PTPRT: variants seen among roughly 807,000 people sequenced by gnomAD.
PTPRT encodes the protein protein tyrosine phosphatase receptor type T, also known as receptor-type tyrosine-protein phosphatase T.
A neutral mutation model predicts 176.8 loss-of-function variants in PTPRT; 56 were observed. The ratio of observed to expected loss-of-function variants is 0.32; its 90% CI spans 0.26 to 0.40. The LOEUF is 0.40. Ranked by LOEUF, PTPRT falls within the 10% of genes least tolerant of loss-of-function variation. The probability of loss-of-function intolerance (pLI) is 1.00; values close to 1 mark genes in which losing one functional copy is unlikely to be tolerated. For missense variants in PTPRT, 1,540 were observed against 1,908.2 expected (o/e 0.81, Z 3.60); for synonymous variants, 783 against 739.0 (o/e 1.06, Z -0.96).
At chr20:42,158,280 A>G (rs1475827403) in intron 17 of PTPRT, among the ~76,000 whole-genome samples, 1 of 152,202 alleles carries the variant, frequency 6.6e-6, no homozygotes, top group Non-Finnish European at 1.5e-5. Context: ...AAGGGCAAGA[A>G]TCTTTGTTTC....
intron 1 of PTPRT, among the ~76,000 whole-genome samples, chr20:42,941,087 A>G (rs1324960840): frequency 1.3e-5 from 2 of 151,390 alleles, no homozygotes; most frequent in Admixed American, 1.3e-4. Flanking sequence ...ATCTCAAAAA[A>G]AAATAATAAT....
At chr20:42,356,218 G>C (rs1014503591) in intron 9 of PTPRT, among the ~76,000 whole-genome samples, 1 of 152,078 alleles carries the variant, frequency 6.6e-6, no homozygotes, top group South Asian at 2.1e-4. Flanking sequence ...CGGGGAAAAC[G>C]GAAGATTTGT....
chr20:42,671,731 A>C (rs2075416682), intron 7 of PTPRT, among the ~76,000 whole-genome samples: 1 of 152,228 alleles, frequency 6.6e-6, no homozygotes, highest in African/African-American at 2.4e-5. Context: ...ACATGATCGC[A>C]TTTGCTCTCA....
At chr20:42,501,486 G>T (rs976424426) in intron 7 of PTPRT, among the ~76,000 whole-genome samples, 2 of 152,158 alleles carry the variant, frequency 1.3e-5, no homozygotes, top group Admixed American at 6.6e-5. Context: ...GGTGTGGGTA[G>T]TATATATTTA....
chr20:42,609,787 C>T (rs1446934575), intron 7 of PTPRT, among the ~76,000 whole-genome samples: 4 of 152,210 alleles, frequency 2.6e-5, no homozygotes, highest in Non-Finnish European at 4.4e-5. Flanking sequence ...GATCAGCTGA[C>T]CCCCACTCCC....
At chr20:42,995,786 T>C (rs776233061) in intron 1 of PTPRT, among the ~76,000 whole-genome samples, 1 of 152,074 alleles carries the variant, frequency 6.6e-6, no homozygotes, top group Non-Finnish European at 1.5e-5. Flanking sequence ...TCTGTTTCTA[T>C]TGTGACACCA....
In PTPRT at chr20:42,926,737, C is replaced by A. The variant is rs114146121; in HGVS notation, c.89-40805G>T. On this transcript the variant is annotated intron_variant, in intron 1 of 30. Transcript: ENST00000373187. ...TCTCCATGTCTCATTTCTTCATGTG[C>A]AATACAGAGGAAATCATATTTGCCT... 2.5e-3 allele frequency among the ~76,000 whole-genome samples: 383 copies of A among 152,246 alleles called. 1 individual carries two copies. Among genetic ancestry groups the A allele is most frequent in the African/African-American group, 8.7e-3 (363 of 41,544 alleles).
chr20:42,319,688 A>G (rs566424285), intron 11 of PTPRT, among the ~76,000 whole-genome samples: 36 of 152,278 alleles, frequency 2.4e-4, no homozygotes, highest in African/African-American at 7.9e-4. Context: ...CTTTCCTGAC[A>G]CTTTTTAGGA....
rs2058458518 is a variant in PTPRT, at chr20:42,363,281, TA to T, written c.1561-10997del. Among the ~76,000 whole-genome samples, 48 of 16,070 alleles carry T rather than the reference TA, an allele frequency of 3.0e-3. 2 individuals are homozygous for T. Among genetic ancestry groups the T allele is most frequent in the African/African-American group, 0.013 (48 of 3,636 alleles). 10.5% of individuals were successfully genotyped at this position (16,070 alleles called of 152,430 possible). On this transcript the variant is annotated intron_variant, in intron 9 of 30. Transcript: ENST00000373187. ...GCAATTTATTACAATTATATATATA[TA>T]TATATATATATATATATATTTTTTT...
chr20:43,037,016 T>C (rs116998125), intron 1 of PTPRT, among the ~76,000 whole-genome samples: 168 of 152,352 alleles, frequency 1.1e-3, no homozygotes, highest in Non-Finnish European at 2.1e-3. Flanking sequence ...CATAAATCTT[T>C]GGCAAGAGGG....
chr20:42,757,262 T>C (rs553191674), intron 5 of PTPRT, among the ~76,000 whole-genome samples: 1 of 152,230 alleles, frequency 6.6e-6, no homozygotes, highest in South Asian at 2.1e-4. Flanking sequence ...CTATTTTCCT[T>C]TTTCCCTTAA....
At chr20:42,599,761 GGGC>G (rs2145785542) in intron 7 of PTPRT, among the ~76,000 whole-genome samples, 1 of 152,224 alleles carries the variant, frequency 6.6e-6, no homozygotes, top group East Asian at 1.9e-4. Flanking sequence ...GACTGACTCT[GGGC>G]ATTAATTTTA....
intron 6 of PTPRT, among the ~76,000 whole-genome samples, chr20:42,728,584 A>G (rs991787041): frequency 6.6e-6 from 1 of 151,964 alleles, no homozygotes; most frequent in African/African-American, 2.4e-5. Context: ...GCACACATAT[A>G]CAGTATCTCA....
chr20:42,543,141 A>G (rs6072779), intron 7 of PTPRT, among the ~76,000 whole-genome samples: 57,147 of 152,020 alleles, frequency 0.38, 10,816 homozygotes, highest in Admixed American at 0.42. Flanking sequence ...TGAAGTTTGC[A>G]GTATCAATGG....
In PTPRT at chr20:42,276,538, TATATATATA is replaced by T. The variant is rs1568731773; in HGVS notation, c.2176+5942_2176+5950del. On this transcript the variant is annotated intron_variant, in intron 13 of 30. Transcript: ENST00000373187. ...ATATATATATATATATATATATATA[TATATATATA>T]TATATATATATAATGTTCTTGAATA... is the stretch of plus-strand genomic sequence containing the variant. 4.5e-3 allele frequency among the ~76,000 whole-genome samples: 213 copies of T among 47,784 alleles called. 11 individuals are homozygous for T. Among genetic ancestry groups the T allele is most frequent in the Admixed American group, 0.022 (109 of 4,928 alleles). 31.3% of individuals were successfully genotyped at this position (47,784 alleles called of 152,430 possible). A position where few individuals can be genotyped will look rare whatever the true frequency, so the allele number is the denominator to read the frequency against.
chr20:42,308,289 G>A (rs1315304469), intron 12 of PTPRT, among the ~76,000 whole-genome samples: 1 of 152,026 alleles, frequency 6.6e-6, no homozygotes, highest in Non-Finnish European at 1.5e-5. Context: ...CAAGAACCAA[G>A]AATCCTCTCT....
At chr20:42,210,716 C>T (rs1355021258) in intron 15 of PTPRT, among the ~76,000 whole-genome samples, 2 of 152,018 alleles carry the variant, frequency 1.3e-5, no homozygotes, top group Admixed American at 1.3e-4. Context: ...AATGGCCATA[C>T]TGCCCAAGGT....
At chr20:42,148,260 A>ATTTT (rs34255255) in intron 17 of PTPRT, among the ~76,000 whole-genome samples, 11 of 114,042 alleles carry the variant, frequency 9.6e-5, no homozygotes, top group South Asian at 3.1e-4. Flanking sequence ...CAAGGCAGTC[A>ATTTT]TTTTTTTTTT....
chr20:42,474,370 C>T (rs1385295930), intron 7 of PTPRT, among the ~76,000 whole-genome samples: 1 of 152,194 alleles, frequency 6.6e-6, no homozygotes, highest in East Asian at 1.9e-4. Flanking sequence ...GGCGTCCTAC[C>T]AAGGAACATA....
Sources: gnomAD v4.1 joint callset for allele counts (sites outside exome capture counted in the v4.1 genomes callset) on GRCh38, gnomAD v4.1.1 for gene constraint, MANE v1.5 for transcripts, NCBI Gene and HGNC (gene_info 2026-07-23, HGNC 2026-07-21) for gene names.